GRIN2B: variants seen among roughly 807,000 people sequenced by gnomAD.
GRIN2B encodes glutamate receptor ionotropic, NMDA 2B.
In GRIN2B, 5 loss-of-function variants were observed where a neutral mutation model predicts 114.5. That is an observed-to-expected ratio of 0.04 (90% CI 0.02 to 0.09). The LOEUF (loss-of-function observed/expected upper bound fraction) is 0.09. Ranked by LOEUF, GRIN2B falls within the 10% of genes least tolerant of loss-of-function variation. The pLI, the probability that GRIN2B is intolerant of heterozygous loss-of-function variation, is 1.00. For missense variants in GRIN2B, 1,108 were observed against 1,943.5 expected (o/e 0.57, Z 8.08); for synonymous variants, 787 against 745.1 (o/e 1.06, Z -0.92).
At position 13,554,347 on chromosome 12, in the gene GRIN2B, G is replaced by T. The variant is rs979886627; in HGVS notation, c.*8436C>A. ...GCCTAAAATTATTTTCTGAATGGAA[G>T]ATAAAGAAGTTGTTCTGGTCTTTGA... On this transcript the variant is annotated 3_prime_UTR_variant, in exon 14 of 14. Coordinates refer to ENST00000609686, the MANE Select transcript of GRIN2B (RefSeq NM_000834.5). 1 of 152,156 alleles carries T rather than the reference G, an allele frequency of 6.6e-6. No individual in the cohort carries two copies. The highest frequency in any genetic ancestry group is 2.4e-5 in the African/African-American group (1 of 41,426). The allele number at this position is 152,156 out of a possible 1,614,324, so 9.4% of individuals were successfully genotyped here.
At chr12:13,771,589 T>C (rs945919189) in intron 3 of GRIN2B, among the ~76,000 whole-genome samples, 1 of 152,148 alleles carries the variant, frequency 6.6e-6, no homozygotes, top group Non-Finnish European at 1.5e-5. Flanking sequence ...CTCATTTTCC[T>C]CCAGAATATA....
chr12:13,712,099 A>G (rs1950419734), intron 4 of GRIN2B, among the ~76,000 whole-genome samples: 1 of 152,062 alleles, frequency 6.6e-6, no homozygotes, highest in African/African-American at 2.4e-5. Context: ...GAAGCCAGAA[A>G]CCATCATTCT....
chr12:13,591,794 C>A (rs1484378605), intron 10 of GRIN2B, among the ~76,000 whole-genome samples: 2 of 152,106 alleles, frequency 1.3e-5, no homozygotes, highest in East Asian at 3.9e-4. Flanking sequence ...CTTTGGACTG[C>A]AATTTTCAAT....
intron 4 of GRIN2B, among the ~76,000 whole-genome samples, chr12:13,682,821 AG>A (rs1227039025): frequency 6.6e-6 from 1 of 152,152 alleles, no homozygotes; most frequent in Non-Finnish European, 1.5e-5. Context: ...ATGAAGAAAA[AG>A]TGCTTTCAGC....
At chr12:13,885,012 C>T (rs1032432645) in intron 2 of GRIN2B, among the ~76,000 whole-genome samples, 1 of 152,040 alleles carries the variant, frequency 6.6e-6, no homozygotes, top group African/African-American at 2.4e-5. Context: ...AGTAAGAAAC[C>T]TCCCAAAGAG....
intron 3 of GRIN2B, among the ~76,000 whole-genome samples, chr12:13,808,770 T>TATATATATATATATATAC (rs1491493981): frequency 7.1e-6 from 1 of 141,416 alleles, no homozygotes; most frequent in East Asian, 2.0e-4. Context: ...TATATATATA[T>TATATATATATATATATAC]ACATATAAAA....
In GRIN2B at chr12:13,563,519, A is replaced by T. The variant is rs1565453465; in HGVS notation, c.3719T>A (p.Ile1240Asn). The T allele has an allele frequency of 6.2e-7, 1 of 1,613,990 alleles. No individual in the cohort carries two copies. The highest frequency in any genetic ancestry group is 8.5e-7 in the Non-Finnish European group (1 of 1,180,004). Residue 1240 changes from isoleucine to asparagine, a missense_variant, in exon 14 of 14, where the codon ATC becomes AAC. By Grantham distance (149) the Ile-to-Asn change is moderately radical. Around this residue, in one of 19 missense-constraint regions of GRIN2B, gnomAD observed 478 missense variants for 506.0 expected, o/e 0.94. Transcript: ENST00000609686. ...TGQNSGRQAC[I>N]RCEACKKAGN... ...TGCTTTCTTGCAAGCCTCACACCGG[A>T]TGCACGCCTGCCTGCCCGAGTTCTG...
At chr12:13,662,535 T>C (rs1418480096) in intron 5 of GRIN2B, among the ~76,000 whole-genome samples, 1 of 152,172 alleles carries the variant, frequency 6.6e-6, no homozygotes, top group Non-Finnish European at 1.5e-5. Flanking sequence ...CTATCTGAAA[T>C]GATCATATGT....
Position 13,924,479 on chromosome 12 carries a change from G to A in GRIN2B, c.-19+55449C>T, listed in dbSNP as rs569206572. Reference sequence around the variant, plus strand: ...GTGTATGAGTGGCCACCCTACAGGAGCTCTGGCTTTTGGGAGAAGAAGGCA... The same window carrying A: ...GTGTATGAGTGGCCACCCTACAGGAACTCTGGCTTTTGGGAGAAGAAGGCA... On this transcript the variant is annotated intron_variant, in intron 2 of 13. Transcript: ENST00000609686. Among the ~76,000 whole-genome samples, 20 of 152,246 alleles carry A rather than the reference G, an allele frequency of 1.3e-4. No individual in the cohort carries two copies. The East Asian group carries it at 2.9e-3, about 22-fold the overall frequency.
At chr12:13,658,807 G>A (rs1490314300) in intron 5 of GRIN2B, among the ~76,000 whole-genome samples, 1 of 147,926 alleles carries the variant, frequency 6.8e-6, no homozygotes, top group African/African-American at 2.5e-5. Flanking sequence ...TCCCAATGAT[G>A]CATGAATGAG....
intron 2 of GRIN2B, among the ~76,000 whole-genome samples, chr12:13,890,642 C>T (rs1038970735): frequency 2.6e-5 from 4 of 152,130 alleles, no homozygotes; most frequent in African/African-American, 9.7e-5. Context: ...GGGTGCTTCA[C>T]GAAGGCTTGT....
At chr12:13,777,977 C>T (rs2136652446) in intron 3 of GRIN2B, among the ~76,000 whole-genome samples, 1 of 152,296 alleles carries the variant, frequency 6.6e-6, no homozygotes, top group Middle Eastern at 3.4e-3. Flanking sequence ...AATTCAAAGT[C>T]AAGCCTTAAC....
chr12:13,894,457 G>A (rs1866321550), intron 2 of GRIN2B, among the ~76,000 whole-genome samples: 1 of 152,020 alleles, frequency 6.6e-6, no homozygotes. Flanking sequence ...ATGCTGTGAT[G>A]CTTAATTTTA....
At chr12:13,772,447 C>A (rs1476989840) in intron 3 of GRIN2B, among the ~76,000 whole-genome samples, 1 of 152,194 alleles carries the variant, frequency 6.6e-6, no homozygotes, top group African/African-American at 2.4e-5. Context: ...CTTCTCACTC[C>A]CATTCATGCC....
At chr12:13,949,885 G>T (rs2136846463) in intron 2 of GRIN2B, among the ~76,000 whole-genome samples, 1 of 152,256 alleles carries the variant, frequency 6.6e-6, no homozygotes, top group Admixed American at 6.5e-5. Flanking sequence ...TGTTTATTAT[G>T]AACTTTATGC....
intron 2 of GRIN2B, among the ~76,000 whole-genome samples, chr12:13,940,584 G>A (rs1231315818): frequency 6.6e-6 from 1 of 152,094 alleles, no homozygotes; most frequent in East Asian, 1.9e-4. Context: ...TTGAGCAAAG[G>A]GAAGTGTAGG....
Position 13,547,981 on chromosome 12 carries a change from A to ATATTTTT in GRIN2B, c.*14801_*14802insAAAAATA. The ATATTTTT allele has an allele frequency of 3.5e-4, 24 of 68,594 alleles. No homozygotes were observed. The South Asian group carries it at 5.1e-3, about 14-fold the overall frequency. The allele number at this position is 68,594 out of a possible 1,614,324, so 4.2% of individuals were successfully genotyped here. ...TGTGTATATATATATATATATATAT[A>ATATTTTT]TTTTTTTTTTTTTTCTGAAAGCTAC... On this transcript the variant is annotated 3_prime_UTR_variant, in exon 14 of 14. Coordinates refer to ENST00000609686, the MANE Select transcript of GRIN2B (RefSeq NM_000834.5).
chr12:13,912,897 T>G (rs7297101), intron 2 of GRIN2B, among the ~76,000 whole-genome samples: 37,888 of 151,868 alleles, frequency 0.25, 5,240 homozygotes, highest in East Asian at 0.44. Context: ...CCCTCCTCAA[T>G]GTCTCTGCTT....
At chr12:13,565,011 T>C (rs956582616) in intron 13 of GRIN2B, among the ~76,000 whole-genome samples, 1 of 152,194 alleles carries the variant, frequency 6.6e-6, no homozygotes, top group Non-Finnish European at 1.5e-5. Flanking sequence ...TATCAACCCA[T>C]AGCAAAAAAT....
Sources: allele counts gnomAD v4.1 joint callset (sites outside exome capture counted in the v4.1 genomes callset), GRCh38; gene constraint gnomAD v4.1.1; regional missense constraint gnomAD v4.1.1; transcripts MANE v1.5; gene names NCBI Gene and HGNC (gene_info 2026-07-23, HGNC 2026-07-21).